The following TRAP1 variants were observed in gnomAD, a reference collection of about 807,000 sequenced individuals.
TRAP1 encodes the protein heat shock protein 75 kDa, mitochondrial.
In TRAP1, 102 loss-of-function variants were observed where a neutral mutation model predicts 89.1. The ratio of observed to expected loss-of-function variants is 1.15; its 90% confidence interval spans 0.98 to 1.35. The LOEUF (loss-of-function observed/expected upper bound fraction) is 1.35, where lower values mean the gene tolerates loss of function less well. TRAP1 is among the 40% of genes most tolerant of loss of function. TRAP1 has a pLI of 0.00. For synonymous variants in TRAP1, 508 were observed against 388.0 expected (o/e 1.31, Z -3.64); for missense variants, 1,256 against 945.3 (o/e 1.33, Z -4.31).
chr16:3,664,280 G>T lies in TRAP1; in HGVS notation c.1563C>A (p.Asp521Glu). The change falls in exon 13 of 18, where the codon GAC (aspartate) becomes GAA (glutamate). Residue 521 changes from aspartate to glutamate, a missense_variant. By Grantham distance (45) the Asp-to-Glu change is conservative (BLOSUM62 2). Coordinates refer to ENST00000246957, the MANE Select transcript of TRAP1 (RefSeq NM_016292.3). ...CCACCCACCGCTCACCCACCTCTGT[G>T]TCTTTCTTCTTCATGGCCTCATAGT... Reference protein sequence around the residue: ...SPYYEAMKKKDTEVLFCFEQF... With the variant: ...SPYYEAMKKKETEVLFCFEQF... 6.3e-7 allele frequency: 1 copy of T among 1,593,660 alleles called. No individual in the cohort carries two copies. Among genetic ancestry groups the T allele is most frequent in the Non-Finnish European group, 8.5e-7 (1 of 1,171,608 alleles).
At chr16:3,681,990 T>A (rs940820257) in intron 4 of TRAP1, among the ~76,000 whole-genome samples, 3 of 152,204 alleles carry the variant, frequency 2.0e-5, no homozygotes, top group African/African-American at 7.2e-5. Context: ...GACAGTGCGA[T>A]GTGGGCATTT....
At chr16:3,694,462 G>C (rs2051259980) in intron 1 of TRAP1, among the ~76,000 whole-genome samples, 1 of 151,948 alleles carries the variant, frequency 6.6e-6, no homozygotes, top group Non-Finnish European at 1.5e-5. Context: ...TCCTGCCTCA[G>C]CCTCCCTAGT....
In TRAP1 at chr16:3,675,546, G is replaced by T. The variant is rs2050978793; in HGVS notation, c.815-149C>A. The T allele has an allele frequency of 4.5e-5, 32 of 711,038 alleles. 1 individual carries two copies. The East Asian group carries it at 8.5e-4, about 19-fold the overall frequency. The allele number at this position is 711,038 out of a possible 1,614,324, so 44.0% of individuals were successfully genotyped here. A position where few individuals can be genotyped will look rare whatever the true frequency, so the allele number is the denominator to read the frequency against. Reference sequence around the variant, plus strand: ...AGGTACAGAAACAGGGCACAGTGGGGACACCTGTCCTCCCCCCAGTCTCAC... The same window carrying T: ...AGGTACAGAAACAGGGCACAGTGGGTACACCTGTCCTCCCCCCAGTCTCAC... On this transcript the variant is annotated intron_variant, in intron 7 of 17. Transcript: ENST00000246957.
At chr16:3,683,829 G>A (rs1181243381) in intron 4 of TRAP1, among the ~76,000 whole-genome samples, 1 of 150,988 alleles carries the variant, frequency 6.6e-6, no homozygotes, top group Non-Finnish European at 1.5e-5. Context: ...GATGTAGACA[G>A]AAATCATCTG....
Position 3,663,405 on chromosome 16 carries a change from G to A in TRAP1, c.1708+19C>T. On this transcript the variant is annotated intron_variant, in intron 14 of 17. Coordinates refer to ENST00000246957, the MANE Select transcript of TRAP1 (RefSeq NM_016292.3). The stretch of plus-strand genomic sequence containing the variant: ...GGAGTGGAAACCAGCCCCACGCCTA[G>A]AGAGCAGGGGATGCCGACCTGGGGA... The A allele has an allele frequency of 1.2e-6, 2 of 1,613,880 alleles. No individual in the cohort carries two copies.
intron 1 of TRAP1, among the ~76,000 whole-genome samples, chr16:3,710,183 T>C (rs1048204967): frequency 6.6e-6 from 1 of 152,170 alleles, no homozygotes; most frequent in Non-Finnish European, 1.5e-5. Flanking sequence ...CTCGGAATAG[T>C]CAAAATATGG....
At chr16:3,677,704 G>C in intron 5 of TRAP1, 46 bp from the exon 6 acceptor site, 1 of 1,593,102 alleles carries the variant, frequency 6.3e-7, no homozygotes, top group East Asian at 2.2e-5. Context: ...CCTCCAGAGA[G>C]CAGACACTCC....
chr16:3,665,571 G>C (rs1050191051), intron 12 of TRAP1: 1 of 200,352 alleles, frequency 5.0e-6, no homozygotes, highest in Admixed American at 5.2e-5. Context: ...ATGATGAATA[G>C]TCCCTCAACA....
At chr16:3,688,716 T>A (rs1034967862) in intron 3 of TRAP1, among the ~76,000 whole-genome samples, 44 of 152,192 alleles carry the variant, frequency 2.9e-4, no homozygotes, top group African/African-American at 1.0e-3. Context: ...ACTCCTGGGC[T>A]CAAGTGATCC....
At chr16:3,699,347 T>G (rs139511982) in intron 1 of TRAP1, among the ~76,000 whole-genome samples, 115 of 152,278 alleles carry the variant, frequency 7.6e-4, no homozygotes, top group Non-Finnish European at 1.3e-3. Flanking sequence ...TTTAAAAAAA[T>G]TTTATACTGG....
At chr16:3,659,801 G>A (rs903405004) in intron 16 of TRAP1, 2 of 151,920 alleles carry the variant, frequency 1.3e-5, no homozygotes, top group South Asian at 4.2e-4. Context: ...CTTCACCCAA[G>A]CTAGAGTGAA....
chr16:3,658,698 CAGGATTTT>C (rs2151230716), intron 17 of TRAP1, 87 bp downstream of exon 17: 3 of 1,143,904 alleles, frequency 2.6e-6, no homozygotes, highest in Admixed American at 2.4e-5. Context: ...AACAAAAAGA[CAGGATTTT>C]AGAGGAAACC....
At chr16:3,670,217 C>T (rs2050893175) in intron 11 of TRAP1, among the ~76,000 whole-genome samples, 2 of 150,632 alleles carry the variant, frequency 1.3e-5, no homozygotes. Context: ...CCTGTCTCTA[C>T]TAAAGATATA....
chr16:3,672,940 GTCTGC>G, intron 9 of TRAP1, 120 bp from the exon 10 acceptor site: 7 of 1,401,828 alleles, frequency 5.0e-6, no homozygotes, highest in Non-Finnish European at 6.6e-6. Flanking sequence ...CTCCCCCAGC[GTCTGC>G]TCTGAGTTGA....
chr16:3,672,076 G>A (rs1014192169), intron 10 of TRAP1, among the ~76,000 whole-genome samples: 2 of 152,208 alleles, frequency 1.3e-5, no homozygotes, highest in Non-Finnish European at 2.9e-5. Flanking sequence ...AGTGTCTGAC[G>A]CCTGTAATCC....
Position 3,682,531 on chromosome 16 carries a change from C to A in TRAP1, c.472-2741G>T, listed in dbSNP as rs1043480695. Among the ~76,000 whole-genome samples, 6 of 152,056 alleles carry A rather than the reference C, an allele frequency of 3.9e-5. No individual in the cohort carries two copies. The East Asian group carries it at 9.7e-4, about 25-fold the overall frequency. Reference sequence around the variant, plus strand: ...CAGCCTCCCGAGTAGCTGGGACTACCGGCACACGCTGCCACACCCAGCTAA... The same window carrying A: ...CAGCCTCCCGAGTAGCTGGGACTACAGGCACACGCTGCCACACCCAGCTAA... On this transcript the variant is annotated intron_variant, in intron 4 of 17. Coordinates refer to ENST00000246957, the MANE Select transcript of TRAP1 (RefSeq NM_016292.3).
chr16:3,712,621 T>C (rs1287686431), intron 1 of TRAP1, among the ~76,000 whole-genome samples: 6 of 152,180 alleles, frequency 3.9e-5, no homozygotes, highest in Non-Finnish European at 7.4e-5. Flanking sequence ...GATGTGTTTG[T>C]TTCCAAGACA....
chr16:3,675,408 C>T lies in TRAP1; in HGVS notation c.815-11G>A, dbSNP rs1470894532. On this transcript the variant is annotated splice_polypyrimidine_tract_variant and intron_variant, in intron 7 of 17. Transcript: ENST00000246957. Reference sequence around the variant, plus strand: ...ACTTCGTTACCACATCTGGAAGGGACAAAAGAAAAACCACACTGCATCTAC... The same window carrying T: ...ACTTCGTTACCACATCTGGAAGGGATAAAAGAAAAACCACACTGCATCTAC... 1.2e-6 allele frequency: 2 copies of T among 1,613,274 alleles called. No homozygotes were observed. The highest frequency in any genetic ancestry group is 1.1e-5 in the South Asian group (1 of 91,050).
Position 3,671,811 on chromosome 16 carries a change from G to C in TRAP1, c.1166-20C>G, listed in dbSNP as rs761078320. 6.2e-7 allele frequency: 1 copy of C among 1,611,096 alleles called. No homozygotes were observed. The highest frequency in any genetic ancestry group is 8.5e-7 in the Non-Finnish European group (1 of 1,179,724). ...CCACACCTGGGAGACACGGCAGTCAGCTTCTCCCGGGGCTGCGGCCCTCCA... is the reference window on the plus strand; with the variant it reads ...CCACACCTGGGAGACACGGCAGTCACCTTCTCCCGGGGCTGCGGCCCTCCA... On this transcript the variant is annotated intron_variant, in intron 10 of 17. Coordinates refer to ENST00000246957, the MANE Select transcript of TRAP1 (RefSeq NM_016292.3).
Sources: allele counts gnomAD v4.1 joint callset (sites outside exome capture counted in the v4.1 genomes callset), GRCh38; gene constraint gnomAD v4.1.1; transcripts MANE v1.5; gene names NCBI Gene and HGNC (gene_info 2026-07-23, HGNC 2026-07-21).